MYOM2: variants seen among roughly 807,000 people sequenced by gnomAD.
MYOM2 encodes the protein myomesin 2, also known as myomesin-2.
A neutral mutation model predicts 187.6 loss-of-function variants in MYOM2; 254 were observed. That is an observed-to-expected ratio of 1.35 (90% CI 1.22 to 1.50). The LOEUF (loss-of-function observed/expected upper bound fraction) is 1.50, where lower values mean the gene tolerates loss of function less well. Among genes scored for constraint, MYOM2 ranks in the 40% most tolerant of loss-of-function variants. MYOM2 has a pLI of 0.00. For synonymous variants in MYOM2, 981 were observed against 753.8 expected (o/e 1.30, Z -4.94); for missense variants, 2,796 against 1,924.0 (o/e 1.45, Z -8.48).
chr8:2,125,078 CT>C (rs1797590257), intron 31 of MYOM2, among the ~76,000 whole-genome samples: 1 of 152,108 alleles, frequency 6.6e-6, no homozygotes, highest in Non-Finnish European at 1.5e-5. Flanking sequence ...TGTGCAGAAG[CT>C]TTTTAGTTTT....
At chr8:2,110,727 C>T (rs895660069) in intron 25 of MYOM2, among the ~76,000 whole-genome samples, 1 of 152,224 alleles carries the variant, frequency 6.6e-6, no homozygotes, top group African/African-American at 2.4e-5. Flanking sequence ...GCCTCTCATG[C>T]TCCCGGGCAG....
chr8:2,134,262 C>T (rs1338874369), intron 32 of MYOM2, among the ~76,000 whole-genome samples: 2 of 152,272 alleles, frequency 1.3e-5, no homozygotes, highest in Admixed American at 6.5e-5. Context: ...CTCCTCGTCT[C>T]TCTCGGCCTG....
At chr8:2,080,762 A>C (rs1211017114) in intron 13 of MYOM2, among the ~76,000 whole-genome samples, 1 of 152,250 alleles carries the variant, frequency 6.6e-6, no homozygotes, top group Non-Finnish European at 1.5e-5. Context: ...TACTGTTAGA[A>C]AAGAAGGCCT....
At chr8:2,079,536 G>T (rs114205231) in intron 12 of MYOM2, 24 bp from the exon 13 acceptor site, 6 of 1,613,374 alleles carry the variant, frequency 3.7e-6, no homozygotes, top group South Asian at 3.3e-5. Flanking sequence ...ATGTCAAATC[G>T]AGTGTCAACC....
chr8:2,136,200 T>C (rs1232639391), intron 32 of MYOM2, among the ~76,000 whole-genome samples: 2 of 152,214 alleles, frequency 1.3e-5, no homozygotes, highest in Admixed American at 6.5e-5. Context: ...TGAAGGTGGC[T>C]GCTGATCCCC....
Position 2,145,177 on chromosome 8 carries a change from A to G in MYOM2, c.*196A>G. The G allele has an allele frequency of 4.8e-6, 3 of 630,308 alleles. No homozygotes were observed. The highest frequency in any genetic ancestry group is 8.1e-6 in the Non-Finnish European group (3 of 369,572). 39.0% of individuals were successfully genotyped at this position (630,308 alleles called of 1,614,324 possible). A position where few individuals can be genotyped will look rare whatever the true frequency, so the allele number is the denominator to read the frequency against. On this transcript the variant is annotated 3_prime_UTR_variant, in exon 37 of 37. Transcript: ENST00000262113. ...CTAAGGGAGAAAGCTAATGTTTTCC[A>G]CAAGACTGAACAACGTGTATTTACA...
Position 2,059,260 on chromosome 8 carries a change from G to T in MYOM2, c.653+15G>T. 6.2e-7 allele frequency: 1 copy of T among 1,611,832 alleles called. No homozygotes were observed. Among genetic ancestry groups the T allele is most frequent in the Non-Finnish European group, 8.5e-7 (1 of 1,178,240 alleles). Reference sequence around the variant, plus strand: ...GAGATCAACAGGTATGGCTGTGGTGGGGGCTCTGGACGCTGGCGTCCAGTA... The same window carrying T: ...GAGATCAACAGGTATGGCTGTGGTGTGGGCTCTGGACGCTGGCGTCCAGTA... On this transcript the variant is annotated intron_variant, in intron 6 of 36. Coordinates refer to ENST00000262113, the MANE Select transcript of MYOM2 (RefSeq NM_003970.4).
Position 2,141,042 on chromosome 8 carries a change from T to A in MYOM2, c.3965-99T>A, listed in dbSNP as rs141516880. ...AATAAATTTATTCTTTTTTTATATA[T>A]CAGTTTTCATGAACCAGATTCACTG... On this transcript the variant is annotated intron_variant, in intron 33 of 36. Transcript: ENST00000262113. 2.5e-3 allele frequency: 3,345 copies of A among 1,349,524 alleles called. 43 individuals carry two copies. The East Asian group carries it at 0.035, about 14-fold the overall frequency. 83.6% of individuals were successfully genotyped at this position (1,349,524 alleles called of 1,614,324 possible). A position where few individuals can be genotyped will look rare whatever the true frequency, so the allele number is the denominator to read the frequency against.
chr8:2,069,603 A>G (rs1819145911), intron 8 of MYOM2, 106 bp downstream of exon 8: 14 of 1,328,738 alleles, frequency 1.1e-5, no homozygotes, highest in Non-Finnish European at 1.5e-5. Context: ...TTTTTTTGAG[A>G]CGGAGTCTCA....
chr8:2,056,367 G>C (rs1340196874), intron 3 of MYOM2, among the ~76,000 whole-genome samples: 1 of 152,148 alleles, frequency 6.6e-6, no homozygotes, highest in Non-Finnish European at 1.5e-5. Context: ...GGGACCTTGG[G>C]AACGCGATGG....
rs189526285 is a variant in MYOM2 at position 2,098,922 on chromosome 8, C to T, written c.2379C>T (p.Ile793=). Residue 793 remains isoleucine (I), a synonymous_variant, in exon 19 of 37, where the codon ATC becomes ATT. Coordinates refer to ENST00000262113, the MANE Select transcript of MYOM2 (RefSeq NM_003970.4). ...TCGCCGCCGTCAACCTGGCCGGCATCGGGGAGCCCTCAGATCCCAGTGAGC... is the reference window on the plus strand; with the variant it reads ...TCGCCGCCGTCAACCTGGCCGGCATTGGGGAGCCCTCAGATCCCAGTGAGC... ...FKIAAVNLAG[I]GEPSDPSEHF... is the part of the protein sequence containing the mutation. 1.6e-5 allele frequency: 26 copies of T among 1,613,208 alleles called. No individual in the cohort carries two copies. The East Asian group carries it at 1.8e-4, about 11-fold the overall frequency.
intron 28 of MYOM2, among the ~76,000 whole-genome samples, chr8:2,120,675 T>TATATATATATA (rs1220891042): frequency 1.2e-4 from 5 of 41,424 alleles, no homozygotes; most frequent in African/African-American, 2.0e-4. Flanking sequence ...TATATATATA[T>TATATATATATA]TATATTATAT....
chr8:2,134,301 C>G (rs34789086), intron 32 of MYOM2, among the ~76,000 whole-genome samples: 3 of 151,934 alleles, frequency 2.0e-5, no homozygotes, highest in African/African-American at 7.3e-5. Context: ...GTCAGTCACT[C>G]GGAAGCACGC....
In MYOM2 at chr8:2,052,174, G is replaced by C; in HGVS notation, c.124G>C (p.Ala42Pro). 1 of 1,613,332 alleles carries C rather than the reference G, an allele frequency of 6.2e-7. No individual in the cohort carries two copies. The highest frequency in any genetic ancestry group is 1.7e-4 in the Middle Eastern group (1 of 6,054). ...TTCCTGAAGGCGAGCTTCCACCCAGGCATCTTCCCAGAAGTCCTTGAGTCA... is the reference window on the plus strand; with the variant it reads ...TTCCTGAAGGCGAGCTTCCACCCAGCCATCTTCCCAGAAGTCCTTGAGTCA... Reference protein sequence around the residue: ...YASKKRASTQASSQKSLSQRS... With the variant: ...YASKKRASTQPSSQKSLSQRS... Residue 42 changes from alanine to proline, a missense_variant, in exon 3 of 37, where the codon GCA (alanine) becomes CCA (proline). Transcript: ENST00000262113.
chr8:2,093,482 C>T (rs1341042364), intron 16 of MYOM2, among the ~76,000 whole-genome samples: 1 of 152,118 alleles, frequency 6.6e-6, no homozygotes, highest in Non-Finnish European at 1.5e-5. Context: ...ATTATCATCC[C>T]CATCTTACAA....
intron 6 of MYOM2, among the ~76,000 whole-genome samples, chr8:2,064,112 G>A (rs1433322478): frequency 6.6e-6 from 1 of 152,230 alleles, no homozygotes; most frequent in Non-Finnish European, 1.5e-5. Context: ...GCTAAGCTGA[G>A]GAAGTCTCCG....
At chr8:2,100,687 A>G (rs1449975341) in intron 19 of MYOM2, among the ~76,000 whole-genome samples, 189 bp from the exon 20 acceptor site, 1 of 145,688 alleles carries the variant, frequency 6.9e-6, no homozygotes, top group Admixed American at 7.3e-5. Context: ...CCTGACCCCC[A>G]ACGTCATGCT....
intron 6 of MYOM2, among the ~76,000 whole-genome samples, chr8:2,063,340 A>G (rs1041994682): frequency 3.3e-5 from 5 of 152,304 alleles, no homozygotes; most frequent in South Asian, 2.1e-4. Context: ...ATTTATTCCT[A>G]TGAATATTCC....
At chr8:2,128,753 T>C (rs1797744680) in intron 31 of MYOM2, among the ~76,000 whole-genome samples, 2 of 152,202 alleles carry the variant, frequency 1.3e-5, no homozygotes, top group Non-Finnish European at 2.9e-5. Flanking sequence ...TAACGTCCCT[T>C]TTGCAGATTT....
Sources: allele counts gnomAD v4.1 joint callset (sites outside exome capture counted in the v4.1 genomes callset), GRCh38; gene constraint gnomAD v4.1.1; transcripts MANE v1.5; gene names NCBI Gene and HGNC (gene_info 2026-07-23, HGNC 2026-07-21).